The following NXPH2 variants were observed in gnomAD, a reference collection of about 807,000 sequenced individuals.
NXPH2 encodes the protein neurexophilin 2, also known as neurexophilin-2.
NXPH2 carries 5 observed loss-of-function variants against 19.8 expected under a neutral mutation model. The observed-to-expected ratio is 0.25, with a 90% CI of 0.13 to 0.53. The LOEUF is 0.53. Ranked by LOEUF, NXPH2 falls within the 20% of genes least tolerant of loss-of-function variation. The pLI, the probability that NXPH2 is intolerant of heterozygous loss-of-function variation, is 0.96. For synonymous variants in NXPH2, 154 were observed against 127.4 expected, an observed-to-expected ratio of 1.21 and a Z score of -1.41; for missense variants, 289 against 322.8, an observed-to-expected ratio of 0.90 and a Z score of 0.80.
chr2:138,737,255 A>C (rs1306784640), intron 1 of NXPH2, among the ~76,000 whole-genome samples: 2 of 152,190 alleles, frequency 1.3e-5, no homozygotes, highest in Non-Finnish European at 2.9e-5. Flanking sequence ...GAGGTTTAAT[A>C]GACTCACAGT....
At chr2:138,747,347 G>C (rs931051149) in intron 1 of NXPH2, among the ~76,000 whole-genome samples, 28 of 152,230 alleles carry the variant, frequency 1.8e-4, no homozygotes, top group African/African-American at 6.5e-4. Context: ...CTGGATATTA[G>C]GATAAGAAGT....
chr2:138,716,389 C>T (rs535279349), intron 1 of NXPH2, among the ~76,000 whole-genome samples: 2 of 152,270 alleles, frequency 1.3e-5, no homozygotes, highest in South Asian at 4.2e-4. Flanking sequence ...AAGACTAGAG[C>T]TCCCTCTCTC....
intron 1 of NXPH2, among the ~76,000 whole-genome samples, chr2:138,698,724 C>A (rs1467004851): frequency 2.0e-5 from 3 of 151,958 alleles, no homozygotes; most frequent in African/African-American, 7.2e-5. Flanking sequence ...TGTGGTGGTG[C>A]GTGCCTGTGG....
At chr2:138,707,094 C>CAAAAAAAAAAAAAAAAAAAAAAAA (rs70982073) in intron 1 of NXPH2, among the ~76,000 whole-genome samples, 996 of 34,756 alleles carry the variant, frequency 0.029, 303 homozygotes, top group Non-Finnish European at 0.045. Context: ...TGCCCCATGA[C>CAAAAAAAAAAAAAAAAAAAAAAAA]AAAAAAAAAA....
chr2:138,748,030 G>A (rs529914913), intron 1 of NXPH2, among the ~76,000 whole-genome samples: 1 of 152,306 alleles, frequency 6.6e-6, no homozygotes, highest in South Asian at 2.1e-4. Flanking sequence ...TTGATGCTAA[G>A]TGAGTGGGTC....
intron 1 of NXPH2, among the ~76,000 whole-genome samples, chr2:138,726,157 C>G (rs1406630650): frequency 6.6e-6 from 1 of 152,102 alleles, no homozygotes; most frequent in African/African-American, 2.4e-5. Flanking sequence ...ATTCGCCTGC[C>G]TCGGCCTCCT....
At chr2:138,676,776 C>T (rs1680490136) in intron 1 of NXPH2, among the ~76,000 whole-genome samples, 1 of 151,600 alleles carries the variant, frequency 6.6e-6, no homozygotes, top group Admixed American at 6.6e-5. Context: ...CTCAAGCCTC[C>T]AGGAAACTGA....
chr2:138,734,070 G>A (rs1202759812), intron 1 of NXPH2, among the ~76,000 whole-genome samples: 3 of 152,178 alleles, frequency 2.0e-5, no homozygotes, highest in East Asian at 1.9e-4. Context: ...TATGGTGAAA[G>A]CCCATCTCTA....
Position 138,696,354 on chromosome 2 carries a change from A to G in NXPH2, c.52-24689T>C, listed in dbSNP as rs1463716159. ...CAGCTTGTTATCTGACAAAGGTCTT[A>G]TATCTAAAATATAATAAAGAACTCA... On this transcript the variant is annotated intron_variant, in intron 1 of 1. Coordinates refer to ENST00000272641, the MANE Select transcript of NXPH2 (RefSeq NM_007226.3). Among the ~76,000 whole-genome samples, 4 of 152,230 alleles carry G rather than the reference A, an allele frequency of 2.6e-5. No individual in the cohort carries two copies. The South Asian group carries it at 8.3e-4, about 32-fold the overall frequency.
intron 1 of NXPH2, among the ~76,000 whole-genome samples, chr2:138,766,341 T>C (rs1250442550): frequency 1.3e-5 from 2 of 152,190 alleles, no homozygotes; most frequent in African/African-American, 2.4e-5. Flanking sequence ...GCTTCTCGCA[T>C]AGCCAGAAAT....
chr2:138,765,281 G>T (rs1042207719), intron 1 of NXPH2, among the ~76,000 whole-genome samples: 1 of 152,190 alleles, frequency 6.6e-6, no homozygotes, highest in Non-Finnish European at 1.5e-5. Context: ...TATATATAAA[G>T]GGATTGAGCA....
At chr2:138,681,279 G>T (rs1680576814) in intron 1 of NXPH2, among the ~76,000 whole-genome samples, 1 of 152,164 alleles carries the variant, frequency 6.6e-6, no homozygotes. Context: ...ATAAATGTAG[G>T]TAACACCCAT....
chr2:138,747,551 A>C (rs1204041372), intron 1 of NXPH2, among the ~76,000 whole-genome samples: 2 of 152,170 alleles, frequency 1.3e-5, no homozygotes, highest in Admixed American at 6.5e-5. Context: ...TATCTCTAGA[A>C]AATGGCACCC....
chr2:138,745,090 A>G (rs1025919319), intron 1 of NXPH2, among the ~76,000 whole-genome samples: 2 of 152,162 alleles, frequency 1.3e-5, no homozygotes, highest in African/African-American at 4.8e-5. Context: ...TGCCCCTAAG[A>G]CTAACCTTCT....
rs774920463 is a variant in NXPH2, at chr2:138,671,499, T to A, written c.218A>T (p.Tyr73Phe). 1.2e-6 allele frequency: 2 copies of A among 1,613,888 alleles called. No individual in the cohort carries two copies. The highest frequency in any genetic ancestry group is 2.7e-5 in the African/African-American group (2 of 74,940). The part of the protein sequence containing the change: ...SPVPKPGPMA[Y>F]ADSMENFWDW... ...CCAAAAGTTTTCCATGCTGTCTGCGTACGCCATGGGGCCGGGCTTGGGCAC... is the reference window on the plus strand; with the variant it reads ...CCAAAAGTTTTCCATGCTGTCTGCGAACGCCATGGGGCCGGGCTTGGGCAC... Residue 73 changes from tyrosine (Y) to phenylalanine (F), a missense_variant, in exon 2 of 2, where the codon TAC (tyrosine) becomes TTC (phenylalanine). By Grantham distance (22) the Tyr-to-Phe change is conservative. Coordinates refer to ENST00000272641, the MANE Select transcript of NXPH2 (RefSeq NM_007226.3).
At chr2:138,732,541 C>A (rs1573970365) in intron 1 of NXPH2, among the ~76,000 whole-genome samples, 1 of 152,198 alleles carries the variant, frequency 6.6e-6, no homozygotes, top group Non-Finnish European at 1.5e-5. Flanking sequence ...ATTTCAGGCT[C>A]TCTCAGGCAT....
intron 1 of NXPH2, among the ~76,000 whole-genome samples, chr2:138,742,011 T>C (rs1235868002): frequency 6.6e-6 from 1 of 152,202 alleles, no homozygotes; most frequent in Non-Finnish European, 1.5e-5. Context: ...GTCAATTCCA[T>C]GCCATCATTA....
At chr2:138,702,267 G>A (rs7424141) in intron 1 of NXPH2, among the ~76,000 whole-genome samples, 1 of 151,702 alleles carries the variant, frequency 6.6e-6, no homozygotes, top group African/African-American at 2.4e-5. Flanking sequence ...CAGGCACACA[G>A]CACCATCCCT....
chr2:138,691,609 G>A (rs1573955803), intron 1 of NXPH2, among the ~76,000 whole-genome samples: 1 of 152,200 alleles, frequency 6.6e-6, no homozygotes, highest in Admixed American at 6.5e-5. Flanking sequence ...TCACTATTGG[G>A]AGAAAGTTAT....
Sources: gnomAD v4.1 joint callset for allele counts (sites outside exome capture counted in the v4.1 genomes callset) on GRCh38, gnomAD v4.1.1 for gene constraint, MANE v1.5 for transcripts, NCBI Gene and HGNC (gene_info 2026-07-23, HGNC 2026-07-21) for gene names.